The following SMYD1 variants were observed in gnomAD, a reference collection of about 807,000 sequenced individuals.
SMYD1 encodes the protein SET and MYND domain containing 1, also known as histone-lysine N-methyltransferase SMYD1.
Under a neutral mutation model 54.0 loss-of-function variants are expected in SMYD1, and 49 were observed. The ratio of observed to expected loss-of-function variants is 0.91; its 90% CI spans 0.72 to 1.15. The LOEUF (loss-of-function observed/expected upper bound fraction) is 1.15, where lower values mean the gene tolerates loss of function less well. Ranked by LOEUF, SMYD1 falls within the 50% of genes most tolerant of loss-of-function variation. The pLI is 0.00. For missense variants in SMYD1, 653 were observed against 639.6 expected, an observed-to-expected ratio of 1.02 and a Z score of -0.23; for synonymous variants, 269 against 234.2, an observed-to-expected ratio of 1.15 and a Z score of -1.36.
intron 8 of SMYD1, 60 bp downstream of exon 8, chr2:88,106,548 C>A (rs1340170984): frequency 6.4e-7 from 1 of 1,555,516 alleles, no homozygotes; most frequent in Middle Eastern, 1.7e-4. Flanking sequence ...CCAGGGATGG[C>A]AAATAGATGG....
Position 88,110,451 on chromosome 2 carries a change from T to C in SMYD1, c.1412T>C (p.Met471Thr). Reference protein sequence around the residue: ...MREAALNNQPMQVMAEPSNEP... With the variant: ...MREAALNNQPTQVMAEPSNEP... The stretch of plus-strand genomic sequence containing the variant: ...GAGGCTGCCCTGAACAACCAGCCCA[T>C]GCAGGTCATGGCCGAGCCCAGCAAT... Residue 471 changes from methionine to threonine, a missense_variant, in exon 10 of 10, where the codon ATG (methionine) becomes ACG (threonine). Transcript: ENST00000419482. 1 of 1,606,854 alleles carries C rather than the reference T, an allele frequency of 6.2e-7. No homozygotes were observed.
chr2:88,087,872 C>A lies in SMYD1; in HGVS notation c.325C>A (p.Arg109Ser), dbSNP rs773786522. 1.3e-6 allele frequency: 2 copies of A among 1,585,694 alleles called. No individual in the cohort carries two copies. Among genetic ancestry groups the A allele is most frequent in the Admixed American group, 1.7e-5 (1 of 57,208 alleles). The change falls in exon 3 of 10, where the codon CGC becomes AGC. Residue 109 changes from arginine (R) to serine (S), a missense_variant. Transcript: ENST00000419482. ...CTGCCCTTCCCACAGGCTGGCGGCG[C>A]GCATCATGTGGCGGGTGGAGAGAGA... ...VPNENIRLAARIMWRVEREGT... is the reference protein window; with the variant it reads ...VPNENIRLAASIMWRVEREGT...
chr2:88,107,745 G>T (rs1674914461), intron 8 of SMYD1, among the ~76,000 whole-genome samples: 2 of 152,222 alleles, frequency 1.3e-5, no homozygotes, highest in Non-Finnish European at 2.9e-5. Context: ...TCCGAGCGAG[G>T]CGTGGGATAT....
At chr2:88,089,940 G>T (rs1337743271) in intron 3 of SMYD1, among the ~76,000 whole-genome samples, 2 of 152,092 alleles carry the variant, frequency 1.3e-5, no homozygotes, top group African/African-American at 2.4e-5. Context: ...GGGTGAATTG[G>T]TGTGTTGAGT....
At chr2:88,074,648 G>C (rs555115640) in intron 1 of SMYD1, among the ~76,000 whole-genome samples, 10 of 152,308 alleles carry the variant, frequency 6.6e-5, no homozygotes, top group African/African-American at 1.9e-4. Context: ...AGGACAGTTA[G>C]TGGATTTTTT....
At chr2:88,096,519 A>G in intron 5 of SMYD1, 76 bp from the exon 6 acceptor site, 1 of 1,326,782 alleles carries the variant, frequency 7.5e-7, no homozygotes, top group Non-Finnish European at 1.0e-6. Context: ...ACCCAACTCC[A>G]TGAAGCCTTG....
At position 88,070,838 on chromosome 2, in the gene SMYD1, A is replaced by G. The variant is rs553261893; in HGVS notation, c.137+2837A>G. On this transcript the variant is annotated intron_variant, in intron 1 of 9. Coordinates refer to ENST00000419482, the MANE Select transcript of SMYD1 (RefSeq NM_198274.4). The stretch of plus-strand genomic sequence containing the variant: ...GGTGCTTGTAATCCCAGCTACTCAG[A>G]AGGCTGAGGTGAGAGAATCGCTTAA... Among the ~76,000 whole-genome samples the G allele has an allele frequency of 2.0e-5, 3 of 150,702 alleles. No homozygotes were observed. In the Admixed American group the frequency reaches 2.0e-4, roughly 10 times the overall value.
In SMYD1 at chr2:88,088,148, G is replaced by A. The variant is rs1458723250; in HGVS notation, c.528+73G>A. On this transcript the variant is annotated intron_variant, in intron 3 of 9. Coordinates refer to ENST00000419482, the MANE Select transcript of SMYD1 (RefSeq NM_198274.4). ...TCCTTCCCTCCTCCCACTTGGGGAG[G>A]GTGGGGCTTCTCAGAAGTGAACTAA... The A allele has an allele frequency of 2.0e-6, 3 of 1,466,434 alleles. No individual in the cohort carries two copies. In the African/African-American group the frequency reaches 4.2e-5, roughly 21 times the overall value. 90.8% of individuals were successfully genotyped at this position (1,466,434 alleles called of 1,614,324 possible). A position where few individuals can be genotyped will look rare whatever the true frequency, so the allele number is the denominator to read the frequency against.
Position 88,110,058 on chromosome 2 carries a change from CA to C in SMYD1, c.1315-293del, listed in dbSNP as rs1674974303. 7.2e-5 allele frequency among the ~76,000 whole-genome samples: 11 copies of C among 152,282 alleles called. No homozygotes were observed. The South Asian group carries it at 2.3e-3, about 32-fold the overall frequency. On this transcript the variant is annotated intron_variant, in intron 9 of 9. Transcript: ENST00000419482. ...ACTAGTATCTGCAGGGGCCAGGGTT[CA>C]AATCCAGGTCCCCACTGGGCAGTTC...
Position 88,112,370 on chromosome 2 carries a change from T to G in SMYD1, c.*1858T>G. On this transcript the variant is annotated 3_prime_UTR_variant, in exon 10 of 10. Coordinates refer to ENST00000419482, the MANE Select transcript of SMYD1 (RefSeq NM_198274.4). ...CTGTGTTCTGTGTCTGTGCTCCTCC[T>G]TCCCTCTCAGACCACTGGAATGCAA... 1 of 554,552 alleles carries G rather than the reference T, an allele frequency of 1.8e-6. No homozygotes were observed. Among genetic ancestry groups the G allele is most frequent in the Non-Finnish European group, 3.2e-6 (1 of 309,310 alleles). The allele number at this position is 554,552 out of a possible 1,614,324, so 34.4% of individuals were successfully genotyped here. A position where few individuals can be genotyped will look rare whatever the true frequency, so the allele number is the denominator to read the frequency against.
intron 1 of SMYD1, among the ~76,000 whole-genome samples, chr2:88,079,145 T>G (rs1674132269): frequency 6.6e-6 from 1 of 152,184 alleles, no homozygotes; most frequent in Non-Finnish European, 1.5e-5. Flanking sequence ...CTTGATAAAA[T>G]GATTATATAA....
In SMYD1 at chr2:88,073,155, T is replaced by C. The variant is rs139572131; in HGVS notation, c.137+5154T>C. Among the ~76,000 whole-genome samples the C allele has an allele frequency of 2.9e-3, 437 of 152,294 alleles. 2 individuals carry two copies. The highest frequency in any genetic ancestry group is 0.011 in the South Asian group (52 of 4,824). On this transcript the variant is annotated intron_variant, in intron 1 of 9. Coordinates refer to ENST00000419482, the MANE Select transcript of SMYD1 (RefSeq NM_198274.4). ...TATCTCCCACTTCAAAATGAAAACA[T>C]GTTATTTGGTTTTCTGTTTCTGCAT...
intron 5 of SMYD1, among the ~76,000 whole-genome samples, chr2:88,095,340 T>G (rs2104001144): frequency 6.6e-6 from 1 of 152,334 alleles, no homozygotes; most frequent in East Asian, 1.9e-4. Context: ...TTATACATAT[T>G]ATCACATTAA....
intron 7 of SMYD1, among the ~76,000 whole-genome samples, chr2:88,104,707 A>T (rs994483752): frequency 2.0e-5 from 3 of 152,232 alleles, no homozygotes; most frequent in Non-Finnish European, 4.4e-5. Context: ...CTCAGAGCAA[A>T]ATTAGTTCTC....
chr2:88,087,755 G>A (rs988309521), intron 2 of SMYD1, 107 bp from the exon 3 acceptor site: 83 of 988,170 alleles, frequency 8.4e-5, no homozygotes, highest in Admixed American at 5.4e-4. Flanking sequence ...GTTTAAAAAC[G>A]TATCTTGGGC....
At position 88,091,024 on chromosome 2, in the gene SMYD1, G is replaced by A. The variant is rs143639398; in HGVS notation, c.541G>A (p.Gly181Ser). The change falls in exon 4 of 10, where the codon GGT becomes AGT. Residue 181 changes from glycine to serine, a missense_variant. Coordinates refer to ENST00000419482, the MANE Select transcript of SMYD1 (RefSeq NM_198274.4). ...SHIFGVINCNGFTLSDQRGLQ... is the reference protein window; with the variant it reads ...SHIFGVINCNSFTLSDQRGLQ... ...TTCCCCTGGGTAGATTAACTGCAACGGTTTTACTCTCAGTGATCAGAGAGG... is the reference window on the plus strand; with the variant it reads ...TTCCCCTGGGTAGATTAACTGCAACAGTTTTACTCTCAGTGATCAGAGAGG... The A allele has an allele frequency of 3.7e-5, 59 of 1,613,422 alleles. No homozygotes were observed. The East Asian group carries it at 1.2e-3, about 34-fold the overall frequency.
At chr2:88,106,648 G>C (rs1329032111) in intron 8 of SMYD1, among the ~76,000 whole-genome samples, 160 bp downstream of exon 8, 1 of 152,072 alleles carries the variant, frequency 6.6e-6, no homozygotes, top group Non-Finnish European at 1.5e-5. Context: ...TTTTATCATG[G>C]TGCTCCAGTG....
At position 88,081,144 on chromosome 2, in the gene SMYD1, C is replaced by A. The variant is rs538842244; in HGVS notation, c.138-3172C>A. ...TCTTGAACTCCTGACCTCAGATGATCCACCTGCCTTGGCCTCCCAAAGTGC... is the reference window on the plus strand; with the variant it reads ...TCTTGAACTCCTGACCTCAGATGATACACCTGCCTTGGCCTCCCAAAGTGC... On this transcript the variant is annotated intron_variant, in intron 1 of 9. Transcript: ENST00000419482. Among the ~76,000 whole-genome samples the A allele has an allele frequency of 2.0e-5, 3 of 152,262 alleles. No homozygotes were observed. The South Asian group carries it at 6.2e-4, about 32-fold the overall frequency.
In SMYD1 at chr2:88,112,052, T is replaced by C. The variant is rs1337914171; in HGVS notation, c.*1540T>C. 1.4e-6 allele frequency: 1 copy of C among 703,078 alleles called. No individual in the cohort carries two copies. Among genetic ancestry groups the C allele is most frequent in the Admixed American group, 2.0e-5 (1 of 50,016 alleles). 43.6% of individuals were successfully genotyped at this position (703,078 alleles called of 1,614,324 possible). A position where few individuals can be genotyped will look rare whatever the true frequency, so the allele number is the denominator to read the frequency against. ...GCAAATGGGCCACACTTTTGCAAAA[T>C]ACTTGTATCTGACACTTAGGTCTTG... is the stretch of plus-strand genomic sequence containing the variant. On this transcript the variant is annotated 3_prime_UTR_variant, in exon 10 of 10. Coordinates refer to ENST00000419482, the MANE Select transcript of SMYD1 (RefSeq NM_198274.4).
Sources: gnomAD v4.1 joint callset for allele counts (sites outside exome capture counted in the v4.1 genomes callset) on GRCh38, gnomAD v4.1.1 for gene constraint, MANE v1.5 for transcripts, NCBI Gene and HGNC (gene_info 2026-07-23, HGNC 2026-07-21) for gene names.